Variants in CTNNA3 observed in about 807,000 individuals in gnomAD.
CTNNA3 encodes the protein catenin alpha 3.
CTNNA3 carries 76 observed loss-of-function variants against 95.7 expected under a neutral mutation model. The ratio of observed to expected loss-of-function variants is 0.79; its 90% CI spans 0.66 to 0.96. CTNNA3 has a LOEUF of 0.96. Ranked by LOEUF, CTNNA3 falls within the 40% of genes least tolerant of loss-of-function variation. The pLI is 0.00. For synonymous variants in CTNNA3, 431 were observed against 374.4 expected, an observed-to-expected ratio of 1.15 and a Z score of -1.74; for missense variants, 1,191 against 1,089.8, an observed-to-expected ratio of 1.09 and a Z score of -1.31.
At chr10:66,258,602 C>T (rs180894827) in intron 13 of CTNNA3, among the ~76,000 whole-genome samples, 205 of 152,118 alleles carry the variant, frequency 1.3e-3, no homozygotes, top group African/African-American at 4.5e-3. Flanking sequence ...TCTTTTTTTA[C>T]GTACACAAAT....
chr10:66,575,912 T>C (rs908537750), intron 10 of CTNNA3, among the ~76,000 whole-genome samples: 1 of 152,098 alleles, frequency 6.6e-6, no homozygotes, highest in African/African-American at 2.4e-5. Flanking sequence ...AGCTGTGAAA[T>C]AGGCTTAATA....
chr10:66,675,129 G>A (rs1418649344), intron 9 of CTNNA3, among the ~76,000 whole-genome samples: 1 of 152,036 alleles, frequency 6.6e-6, no homozygotes, highest in Non-Finnish European at 1.5e-5. Context: ...ACAGTTTTCT[G>A]CTGGAAAGAC....
intron 7 of CTNNA3, among the ~76,000 whole-genome samples, chr10:66,830,556 G>A (rs75987953): frequency 0.14 from 21,327 of 151,910 alleles, 1,560 homozygotes; most frequent in Non-Finnish European, 0.16. Flanking sequence ...ATGCAGCATG[G>A]AGAATTCTAT....
intron 1 of CTNNA3, chr10:67,750,632 A>G (rs942759707): frequency 6.5e-7 from 1 of 1,547,706 alleles, no homozygotes; most frequent in Non-Finnish European, 8.9e-7. Flanking sequence ...CAGGGATACA[A>G]GTCTGGGGAT....
intron 2 of CTNNA3, among the ~76,000 whole-genome samples, chr10:67,609,486 C>A (rs769125679): frequency 2.0e-5 from 3 of 152,024 alleles, no homozygotes; most frequent in African/African-American, 4.8e-5. Flanking sequence ...GGGAAATATG[C>A]GGATGAAAAT....
At chr10:66,447,790 C>T (rs1175836447) in intron 11 of CTNNA3, among the ~76,000 whole-genome samples, 4 of 151,798 alleles carry the variant, frequency 2.6e-5, no homozygotes, top group Non-Finnish European at 5.9e-5. Context: ...TCTAAAACAC[C>T]AAAAGCAATG....
intron 13 of CTNNA3, among the ~76,000 whole-genome samples, chr10:66,122,418 G>A (rs1357378871): frequency 6.6e-6 from 1 of 152,084 alleles, no homozygotes; most frequent in Non-Finnish European, 1.5e-5. Context: ...TGAAGCAAAA[G>A]AAACATTGAA....
chr10:66,123,245 C>A (rs898651170), intron 13 of CTNNA3, among the ~76,000 whole-genome samples: 1 of 152,014 alleles, frequency 6.6e-6, no homozygotes, highest in African/African-American at 2.4e-5. Flanking sequence ...AGAAATTGGC[C>A]AAAACGAAGG....
At chr10:66,370,042 A>G (rs2092742461) in intron 12 of CTNNA3, among the ~76,000 whole-genome samples, 1 of 152,034 alleles carries the variant, frequency 6.6e-6, no homozygotes, top group Non-Finnish European at 1.5e-5. Flanking sequence ...ATTACTTACC[A>G]CCAGGGGAAA....
At chr10:66,537,576 TATAA>T (rs1322985896) in intron 10 of CTNNA3, among the ~76,000 whole-genome samples, 3 of 149,250 alleles carry the variant, frequency 2.0e-5, no homozygotes, top group Non-Finnish European at 3.0e-5. Flanking sequence ...TTATAATAAT[TATAA>T]ATAAATTGTT....
chr10:67,149,047 T>A (rs1860969032), intron 7 of CTNNA3, among the ~76,000 whole-genome samples: 2 of 152,216 alleles, frequency 1.3e-5, no homozygotes, highest in Non-Finnish European at 1.5e-5. Context: ...ACTCAGGTAA[T>A]GTGAAAGGCA....
chr10:67,117,337 CT>C (rs1396317550), intron 7 of CTNNA3, among the ~76,000 whole-genome samples: 1 of 151,986 alleles, frequency 6.6e-6, no homozygotes, highest in Non-Finnish European at 1.5e-5. Context: ...CTTGCGATAG[CT>C]TCGCTGATGA....
chr10:66,329,014 G>A (rs1388118432), intron 12 of CTNNA3, among the ~76,000 whole-genome samples: 1 of 147,776 alleles, frequency 6.8e-6, no homozygotes, highest in Non-Finnish European at 1.5e-5. Context: ...GCAATGTCAC[G>A]ATCTCGGCTC....
At chr10:67,686,342 C>T (rs532954094) in intron 1 of CTNNA3, among the ~76,000 whole-genome samples, 6 of 152,148 alleles carry the variant, frequency 3.9e-5, no homozygotes, top group East Asian at 1.9e-4. Context: ...GAACTTTCAT[C>T]GGTATATAGG....
intron 9 of CTNNA3, among the ~76,000 whole-genome samples, chr10:66,695,310 A>G (rs1232614110): frequency 6.6e-6 from 1 of 152,190 alleles, no homozygotes; most frequent in Non-Finnish European, 1.5e-5. Flanking sequence ...CTTTGGAGTC[A>G]GGCAAATCTG....
intron 11 of CTNNA3, among the ~76,000 whole-genome samples, chr10:66,449,131 A>G (rs10997133): frequency 0.26 from 40,285 of 152,052 alleles, 5,504 homozygotes; most frequent in South Asian, 0.39. Flanking sequence ...GCCCAATAAA[A>G]TGAGAATGCT....
chr10:67,352,659 A>T (rs1221526963), intron 5 of CTNNA3, among the ~76,000 whole-genome samples: 1 of 151,986 alleles, frequency 6.6e-6, no homozygotes, highest in Non-Finnish European at 1.5e-5. Context: ...ACATAATTCC[A>T]ATTCACTGTT....
At chr10:67,751,695 C>T (rs1376806394) in intron 1 of CTNNA3, among the ~76,000 whole-genome samples, 1 of 152,018 alleles carries the variant, frequency 6.6e-6, no homozygotes. Flanking sequence ...CACCTCTACG[C>T]AAATAAACTA....
chr10:66,325,681 T>C (rs2092245480), intron 12 of CTNNA3, among the ~76,000 whole-genome samples: 1 of 145,148 alleles, frequency 6.9e-6, no homozygotes, highest in African/African-American at 2.4e-5. Context: ...TCATAAGGCA[T>C]GCCTTCTTGA....
Sources: allele counts gnomAD v4.1 joint callset (sites outside exome capture counted in the v4.1 genomes callset), GRCh38; gene constraint gnomAD v4.1.1; transcripts MANE v1.5; gene names NCBI Gene and HGNC (gene_info 2026-07-23, HGNC 2026-07-21).